The following C1orf159 variants were observed in gnomAD, a reference collection of about 807,000 sequenced individuals.
C1orf159 encodes chromosome 1 open reading frame 159.
C1orf159 carries 19 observed loss-of-function variants against 25.6 expected under a neutral mutation model. That is an observed-to-expected ratio of 0.74 (90% CI 0.52 to 1.09). The LOEUF (loss-of-function observed/expected upper bound fraction) is 1.09, where lower values mean the gene tolerates loss of function less well. Ranked by LOEUF, C1orf159 falls within the 50% of genes least tolerant of loss-of-function variation. The pLI is 0.00. For synonymous variants in C1orf159, 139 were observed against 124.7 expected (o/e 1.12, Z -0.77); for missense variants, 274 against 290.6 (o/e 0.94, Z 0.42).
intron 1 of C1orf159, among the ~76,000 whole-genome samples, chr1:1,099,418 C>CCAACTA (rs1646061259): frequency 6.6e-6 from 1 of 151,308 alleles, no homozygotes; most frequent in African/African-American, 2.4e-5. Context: ...GTTAAAATCT[C>CCAACTA]CGACTATGAT....
Position 1,091,192 on chromosome 1 carries a change from C to G in C1orf159, c.72+280G>C, listed in dbSNP as rs148342202. The G allele has an allele frequency of 1.7e-3, 1,019 of 615,912 alleles. 13 individuals carry two copies. The East Asian group carries it at 0.024, about 15-fold the overall frequency. The allele number at this position is 615,912 out of a possible 1,614,324, so 38.2% of individuals were successfully genotyped here. Reference sequence around the variant, plus strand: ...GATGCGCGGCACGCTGTGCTGTCACCGCTGGCAGAGGTGCTCCCATTGCGG... The same window carrying G: ...GATGCGCGGCACGCTGTGCTGTCACGGCTGGCAGAGGTGCTCCCATTGCGG... On this transcript the variant is annotated intron_variant, in intron 3 of 9. Transcript: ENST00000421241.
At chr1:1,086,087 C>T in intron 6 of C1orf159, 75 bp from the exon 7 acceptor site, 1 of 1,548,526 alleles carries the variant, frequency 6.5e-7, no homozygotes, top group East Asian at 2.3e-5. Context: ...GTGCCCCCTG[C>T]ACATGGCAGA....
chr1:1,094,710 C>G (rs1470972226), intron 1 of C1orf159, among the ~76,000 whole-genome samples: 1 of 152,156 alleles, frequency 6.6e-6, no homozygotes, highest in Non-Finnish European at 1.5e-5. Flanking sequence ...CCCGTCTTAT[C>G]ATTTTTTTAT....
At chr1:1,115,623 C>A in intron 1 of C1orf159, among the ~76,000 whole-genome samples, 1 of 108,914 alleles carries the variant, frequency 9.2e-6, no homozygotes, top group Non-Finnish European at 2.0e-5. Flanking sequence ...ACCCCCCTCC[C>A]TCCCCAGGGA....
chr1:1,084,249 A>G, intron 9 of C1orf159, 104 bp downstream of exon 9: 1 of 1,519,130 alleles, frequency 6.6e-7, no homozygotes, highest in Non-Finnish European at 8.8e-7. Context: ...GGGGTGGCCG[A>G]GATCCAGAGC....
intron 9 of C1orf159, chr1:1,083,587 T>C (rs1645779506): frequency 1.2e-5 from 4 of 334,226 alleles, no homozygotes. Flanking sequence ...TCGGGAAGCG[T>C]GTGGCCTTGT....
At chr1:1,094,800 G>A (rs1645987916) in intron 1 of C1orf159, among the ~76,000 whole-genome samples, 1 of 152,018 alleles carries the variant, frequency 6.6e-6, no homozygotes, top group Non-Finnish European at 1.5e-5. Flanking sequence ...TTCCTTTTGT[G>A]GTTCTTGTTT....
In C1orf159 at chr1:1,108,722, GCA is replaced by G. The variant is rs1214610794; in HGVS notation, c.-136+7336_-136+7337del. 2.4e-4 allele frequency among the ~76,000 whole-genome samples: 9 copies of G among 37,160 alleles called. 1 individual carries two copies. The highest frequency in any genetic ancestry group is 7.8e-4 in the African/African-American group (4 of 5,112). The allele number at this position is 37,160 out of a possible 152,430, so 24.4% of individuals were successfully genotyped here. A position where few individuals can be genotyped will look rare whatever the true frequency, so the allele number is the denominator to read the frequency against. On this transcript the variant is annotated intron_variant, in intron 1 of 9. Transcript: ENST00000421241. ...CATCCACCACGGCCACCATGTCTCA[GCA>G]GCACCGTCCACCACAGCCACCATGT...
At chr1:1,107,223 C>G (rs1417900000) in intron 1 of C1orf159, among the ~76,000 whole-genome samples, 1 of 152,274 alleles carries the variant, frequency 6.6e-6, no homozygotes, top group Non-Finnish European at 1.5e-5. Context: ...AGCTGGGCTC[C>G]TGAGTCGGGT....
intron 9 of C1orf159, 133 bp from the exon 10 acceptor site, chr1:1,083,120 G>C: frequency 1.4e-6 from 1 of 700,460 alleles, no homozygotes; most frequent in South Asian, 2.0e-5. Flanking sequence ...ACTCTGACCA[G>C]GTGGGAACCC....
At position 1,087,082 on chromosome 1, in the gene C1orf159, G is replaced by A. The variant is rs1375057654; in HGVS notation, c.310+57C>T. Reference sequence around the variant, plus strand: ...AAGGGTGAGGGTCTGCACTGGCTCCGACGGCCCCCAGCCCCCAGGACACCG... The same window carrying A: ...AAGGGTGAGGGTCTGCACTGGCTCCAACGGCCCCCAGCCCCCAGGACACCG... On this transcript the variant is annotated intron_variant, in intron 6 of 9. Coordinates refer to ENST00000421241, the MANE Select transcript of C1orf159 (RefSeq NM_017891.5). The surrounding 1 kb of genome is among the most constrained non-coding windows in gnomAD (Gnocchi z 8.3). The A allele has an allele frequency of 1.1e-5, 17 of 1,538,198 alleles. 1 individual carries two copies. The highest frequency in any genetic ancestry group is 1.7e-4 in the Middle Eastern group (1 of 5,954).
intron 1 of C1orf159, among the ~76,000 whole-genome samples, chr1:1,112,333 G>A (rs1208287397): frequency 6.6e-6 from 1 of 152,226 alleles, no homozygotes; most frequent in African/African-American, 2.4e-5. Context: ...CGTTTGACAG[G>A]TAACGGAAGA....
chr1:1,091,370 G>A (rs774860072), intron 3 of C1orf159, 102 bp downstream of exon 3: 1 of 1,110,306 alleles, frequency 9.0e-7, no homozygotes, highest in Non-Finnish European at 1.3e-6. Context: ...TGGGACATCA[G>A]TGTCCTAAAG....
intron 1 of C1orf159, chr1:1,106,612 T>C (rs1646173863): frequency 6.6e-6 from 1 of 152,294 alleles, no homozygotes. Flanking sequence ...CACCATGTCT[T>C]AGTGAAAGGT....
rs1553187497 is a variant in C1orf159 at position 1,087,942 on chromosome 1, C to CGAGCACCCCGGCCCT, written c.149-360_149-346dup. On this transcript the variant is annotated intron_variant, in intron 4 of 9. Transcript: ENST00000421241. This position sits in a 1 kb window ranked among gnomAD's most constrained non-coding sequence, Gnocchi z 8.3. ...GAGTACTCCACGCTGCACTCCACGC[C>CGAGCACCCCGGCCCT]GAGCACCCCGGCCCTGAGCACCCCG... 1.3e-5 allele frequency among the ~76,000 whole-genome samples: 2 copies of CGAGCACCCCGGCCCT among 151,260 alleles called. No individual in the cohort carries two copies. Among genetic ancestry groups the CGAGCACCCCGGCCCT allele is most frequent in the Admixed American group, 6.6e-5 (1 of 15,214 alleles).
At position 1,104,452 on chromosome 1, in the gene C1orf159, GT is replaced by G. The variant is rs149608175; in HGVS notation, c.-136+11607del. 1.3e-3 allele frequency among the ~76,000 whole-genome samples: 202 copies of G among 152,350 alleles called. 1 individual carries two copies. The highest frequency in any genetic ancestry group is 4.7e-3 in the African/African-American group (195 of 41,574). On this transcript the variant is annotated intron_variant, in intron 1 of 9. Coordinates refer to ENST00000421241, the MANE Select transcript of C1orf159 (RefSeq NM_017891.5). Reference sequence around the variant, plus strand: ...CACTCTCCAGAGCCCTCAGGGAGCTGTTTTTCATACTCTGTCCATGGTTATA... The same window carrying G: ...CACTCTCCAGAGCCCTCAGGGAGCTGTTTTCATACTCTGTCCATGGTTATA...
chr1:1,110,629 G>A lies in C1orf159; in HGVS notation c.-136+5431C>T, dbSNP rs1193500721. Among the ~76,000 whole-genome samples the A allele has an allele frequency of 1.3e-5, 2 of 151,280 alleles. No individual in the cohort carries two copies. The highest frequency in any genetic ancestry group is 6.6e-5 in the Admixed American group (1 of 15,238). ...CTCGGCTGTGGGGACACACAGAACC[G>A]CTGGGACTTCCACACCTGGGATGCA... On this transcript the variant is annotated intron_variant, in intron 1 of 9. Transcript: ENST00000421241. This position sits in a 1 kb window ranked among gnomAD's most constrained non-coding sequence, Gnocchi z 4.8.
intron 1 of C1orf159, among the ~76,000 whole-genome samples, chr1:1,104,584 C>T (rs1469569993): frequency 6.6e-6 from 1 of 152,212 alleles, no homozygotes; most frequent in African/African-American, 2.4e-5. Context: ...ATTTTAGTTT[C>T]TAGACGGTGG....
At chr1:1,092,915 T>C (rs1039482523) in intron 1 of C1orf159, 1 of 152,022 alleles carries the variant, frequency 6.6e-6, no homozygotes, top group South Asian at 2.1e-4. Context: ...TCGAGCCTGG[T>C]GGTGGGAGCC....
Sources: allele counts gnomAD v4.1 joint callset (sites outside exome capture counted in the v4.1 genomes callset), GRCh38; gene constraint gnomAD v4.1.1; non-coding constraint Gnocchi (gnomAD v3.1); transcripts MANE v1.5; gene names NCBI Gene and HGNC (gene_info 2026-07-23, HGNC 2026-07-21).